SRGAP2B: variants seen among roughly 807,000 people sequenced by gnomAD.
SRGAP2B encodes the protein SLIT-ROBO Rho GTPase-activating protein 2B.
In SRGAP2B, 9 loss-of-function variants were observed where a neutral mutation model predicts 22.2. The ratio of observed to expected loss-of-function variants is 0.41; its 90% CI spans 0.24 to 0.71. The LOEUF is 0.71. Among genes scored for constraint, SRGAP2B ranks in the 30% least tolerant of loss-of-function variants. The pLI is 0.35. For missense variants in SRGAP2B, 114 were observed against 235.8 expected (o/e 0.48, Z 3.38); for synonymous variants, 36 against 87.4 (o/e 0.41, Z 3.28).
In SRGAP2B at chr1:145,069,890, C is replaced by T. The variant is rs587765827; in HGVS notation, c.67+22945G>A. Among the ~76,000 whole-genome samples, 9 of 148,966 alleles carry T rather than the reference C, an allele frequency of 6.0e-5. 1 individual carries two copies. Among genetic ancestry groups the T allele is most frequent in the African/African-American group, 2.0e-4 (8 of 39,218 alleles). Reference sequence around the variant, plus strand: ...GTACAACGGTTGACACTAAAGATCGCCTATTTGAAGTAAAACTGGTTTTAA... The same window carrying T: ...GTACAACGGTTGACACTAAAGATCGTCTATTTGAAGTAAAACTGGTTTTAA... On this transcript the variant is annotated intron_variant, in intron 2 of 9. Coordinates refer to ENST00000612199, the Ensembl canonical transcript of SRGAP2B.
At chr1:144,984,644 A>G (rs1669585386) in intron 3 of SRGAP2B, among the ~76,000 whole-genome samples, 1 of 148,732 alleles carries the variant, frequency 6.7e-6, no homozygotes. Context: ...AATGGACAGA[A>G]GGATAAATTC....
intron 2 of SRGAP2B, among the ~76,000 whole-genome samples, chr1:145,012,023 A>C (rs1238136117): frequency 6.6e-6 from 1 of 151,214 alleles, no homozygotes; most frequent in East Asian, 1.9e-4. Flanking sequence ...ACTTCCCCAC[A>C]GTCACGTGGT....
chr1:144,983,065 A>G (rs1293614893), intron 3 of SRGAP2B, among the ~76,000 whole-genome samples: 2 of 148,688 alleles, frequency 1.3e-5, no homozygotes, highest in Admixed American at 6.6e-5. Context: ...ACAGCTCCCA[A>G]ATATGTCCAA....
chr1:144,997,082 A>C (rs1301476291), intron 2 of SRGAP2B, among the ~76,000 whole-genome samples: 1 of 150,462 alleles, frequency 6.6e-6, no homozygotes, highest in Non-Finnish European at 1.5e-5. Context: ...CAGACTGTAC[A>C]TTGAGAGGGC....
intron 4 of SRGAP2B, among the ~76,000 whole-genome samples, chr1:144,924,507 G>A (rs1261177980): frequency 2.3e-4 from 35 of 149,802 alleles, no homozygotes; most frequent in African/African-American, 7.8e-4. Context: ...TTGGGAGGCC[G>A]AGGCGGGCGG....
chr1:145,007,217 A>G (rs1430737634), intron 2 of SRGAP2B, among the ~76,000 whole-genome samples: 7 of 150,060 alleles, frequency 4.7e-5, no homozygotes, highest in African/African-American at 1.5e-4. Flanking sequence ...GTAACAGATC[A>G]CAACAGGATT....
At position 144,915,378 on chromosome 1, in the gene SRGAP2B, G is replaced by A. The variant is rs1341571183; in HGVS notation, c.424-624C>T. Among the ~76,000 whole-genome samples, 2 of 150,594 alleles carry A rather than the reference G, an allele frequency of 1.3e-5. 1 individual carries two copies. The highest frequency in any genetic ancestry group is 5.0e-5 in the African/African-American group (2 of 40,164). ...TAATCTTGAGCAGTGATGGCTCCTG[G>A]GTTCTTTGCTGCTGCCACCCAGGGC... On this transcript the variant is annotated intron_variant, in intron 4 of 9. Coordinates refer to ENST00000612199, the Ensembl canonical transcript of SRGAP2B.
At chr1:145,093,671 C>T (rs1164471544) in intron 1 of SRGAP2B, among the ~76,000 whole-genome samples, 1 of 146,290 alleles carries the variant, frequency 6.8e-6, no homozygotes, top group Non-Finnish European at 1.5e-5. Context: ...GCGCGGGCTC[C>T]GGGCGGGAAC....
intron 4 of SRGAP2B, among the ~76,000 whole-genome samples, chr1:144,920,949 G>GA (rs782419094): frequency 6.7e-5 from 10 of 149,720 alleles, no homozygotes; most frequent in Non-Finnish European, 1.2e-4. Flanking sequence ...TGGCAAGGGA[G>GA]AAATGGCTGG....
At chr1:144,939,293 G>T (rs1553606957) in intron 4 of SRGAP2B, among the ~76,000 whole-genome samples, 1 of 148,574 alleles carries the variant, frequency 6.7e-6, no homozygotes, top group African/African-American at 2.6e-5. Flanking sequence ...ATCTTCAAAA[G>T]ATATTTCTGT....
intron 3 of SRGAP2B, among the ~76,000 whole-genome samples, chr1:144,991,485 T>C (rs1430887873): frequency 4.0e-4 from 53 of 130,872 alleles, no homozygotes; most frequent in African/African-American, 6.3e-4. Context: ...GGTTTGTAAA[T>C]ACACCAATCA....
chr1:145,065,288 C>T (rs1302359213), intron 2 of SRGAP2B, among the ~76,000 whole-genome samples: 1 of 151,126 alleles, frequency 6.6e-6, no homozygotes, highest in East Asian at 1.9e-4. Flanking sequence ...CTGCTTAAAG[C>T]CTTGGAGAAC....
chr1:145,009,070 A>G (rs1553621731), intron 2 of SRGAP2B, among the ~76,000 whole-genome samples: 19 of 141,574 alleles, frequency 1.3e-4, no homozygotes, highest in Middle Eastern at 3.8e-3. Flanking sequence ...CCAGCTACTC[A>G]GGAGGCTGAG....
In SRGAP2B at chr1:144,998,648, G is replaced by A. The variant is rs1354353273; in HGVS notation, c.68-3448C>T. On this transcript the variant is annotated intron_variant, in intron 2 of 9. Transcript: ENST00000612199. Reference sequence around the variant, plus strand: ...GAGAAAAAGAAAGAAGAAAGAGAATGAAGAAGGAAAAAGAAGAAAGGAAGC... The same window carrying A: ...GAGAAAAAGAAAGAAGAAAGAGAATAAAGAAGGAAAAAGAAGAAAGGAAGC... Among the ~76,000 whole-genome samples the A allele has an allele frequency of 1.9e-4, 28 of 150,968 alleles. 1 individual carries two copies. In the South Asian group the frequency reaches 5.6e-3, roughly 30 times the overall value.
chr1:145,090,200 A>G (rs1403533039), intron 2 of SRGAP2B, among the ~76,000 whole-genome samples: 2 of 148,988 alleles, frequency 1.3e-5, no homozygotes, highest in African/African-American at 5.2e-5. Context: ...AGTGGGGGGC[A>G]GAGCCAAACC....
At chr1:144,995,182 G>A in exon 3 of SRGAP2B, 1 of 865,400 alleles carries the variant, frequency 1.2e-6, no homozygotes, top group Non-Finnish European at 1.7e-6. Flanking sequence ...CATCTGCTCT[G>A]TGAGCTGAGC....
chr1:144,920,429 C>T (rs3121023), intron 4 of SRGAP2B, among the ~76,000 whole-genome samples: 6 of 150,548 alleles, frequency 4.0e-5, no homozygotes, highest in African/African-American at 1.0e-4. Flanking sequence ...TGTACAAACA[C>T]GCTGGTTAAT....
At chr1:144,962,823 A>G (rs1553611476) in intron 3 of SRGAP2B, among the ~76,000 whole-genome samples, 1 of 150,826 alleles carries the variant, frequency 6.6e-6, no homozygotes, top group Non-Finnish European at 1.5e-5. Context: ...TCATTCATTC[A>G]TTTAACAAAT....
At chr1:145,023,020 C>T (rs1272982416) in intron 2 of SRGAP2B, among the ~76,000 whole-genome samples, 1 of 149,846 alleles carries the variant, frequency 6.7e-6, no homozygotes, top group Non-Finnish European at 1.5e-5. Context: ...CAAAAATTAG[C>T]TGGGCATGGC....
Sources: gnomAD v4.1 joint callset for allele counts (sites outside exome capture counted in the v4.1 genomes callset) on GRCh38, gnomAD v4.1.1 for gene constraint, MANE v1.5 for transcripts, NCBI Gene and HGNC (gene_info 2026-07-23, HGNC 2026-07-21) for gene names.